The following BACE1 variants were observed in gnomAD, a reference collection of about 807,000 sequenced individuals.
The protein encoded by BACE1 is beta-secretase 1.
In BACE1, 21 loss-of-function variants were observed where a neutral mutation model predicts 54.0. That is an observed-to-expected ratio of 0.39 (90% CI 0.28 to 0.56). BACE1 has a LOEUF of 0.56. BACE1 is among the 20% of genes least tolerant of loss of function. The pLI is 0.63. For synonymous variants in BACE1, 232 were observed against 260.9 expected, an observed-to-expected ratio of 0.89 and a Z score of 1.07; for missense variants, 511 against 661.2, an observed-to-expected ratio of 0.77 and a Z score of 2.49.
intron 1 of BACE1, among the ~76,000 whole-genome samples, chr11:117,302,620 C>T (rs2034749236): frequency 6.6e-6 from 1 of 152,236 alleles, no homozygotes; most frequent in Non-Finnish European, 1.5e-5. Flanking sequence ...CGGTGGCTCA[C>T]GCCTGTAATC....
In BACE1 at chr11:117,291,832, A is replaced by G; in HGVS notation, c.841-19T>C. 6.3e-7 allele frequency: 1 copy of G among 1,577,682 alleles called. No homozygotes were observed. Among genetic ancestry groups the G allele is most frequent in the Non-Finnish European group, 8.7e-7 (1 of 1,147,886 alleles). ...AGTTGTACTAAGAGGGAAAAGAGAGAGTTAAAAGAGTCAAAAGGTTTTTGA... is the reference window on the plus strand; with the variant it reads ...AGTTGTACTAAGAGGGAAAAGAGAGGGTTAAAAGAGTCAAAAGGTTTTTGA... On this transcript the variant is annotated intron_variant, in intron 5 of 8. Coordinates refer to ENST00000313005, the MANE Select transcript of BACE1 (RefSeq NM_012104.6).
intron 1 of BACE1, among the ~76,000 whole-genome samples, chr11:117,302,118 G>A (rs2134474920): frequency 6.6e-6 from 1 of 152,246 alleles, no homozygotes; most frequent in South Asian, 2.1e-4. Flanking sequence ...TGGATCACCT[G>A]AGGTCAGGAG....
At chr11:117,310,680 C>A (rs2034925309) in intron 1 of BACE1, among the ~76,000 whole-genome samples, 1 of 152,228 alleles carries the variant, frequency 6.6e-6, no homozygotes, top group East Asian at 1.9e-4. Context: ...CTCAGCCTCC[C>A]AAAGTGCTGG....
At chr11:117,304,681 A>G (rs2034792536) in intron 1 of BACE1, among the ~76,000 whole-genome samples, 1 of 152,152 alleles carries the variant, frequency 6.6e-6, no homozygotes, top group Admixed American at 6.5e-5. Context: ...CCTTTCTTCA[A>G]AGGTCTTGTC....
intron 1 of BACE1, among the ~76,000 whole-genome samples, chr11:117,301,795 C>G (rs1400343825): frequency 6.6e-6 from 1 of 152,202 alleles, no homozygotes; most frequent in Non-Finnish European, 1.5e-5. Context: ...AGTGCATCAA[C>G]AAGTCCTGTC....
intron 1 of BACE1, among the ~76,000 whole-genome samples, chr11:117,304,987 G>C (rs890267781): frequency 1.4e-5 from 2 of 144,910 alleles, no homozygotes; most frequent in African/African-American, 5.1e-5. Flanking sequence ...TTTTGAGGTG[G>C]GTTCTCACTC....
intron 1 of BACE1, among the ~76,000 whole-genome samples, chr11:117,302,540 A>G (rs997845402): frequency 6.6e-6 from 1 of 152,038 alleles, no homozygotes; most frequent in Non-Finnish European, 1.5e-5. Context: ...CTGCCATCTG[A>G]GCTCAAGGGA....
chr11:117,293,440 TTAAATC>T lies in BACE1; in HGVS notation c.706-258_706-253del, dbSNP rs1447344051. Reference sequence around the variant, plus strand: ...CATACAGCCCTTGATATAAAGTTATTTAAATCTAAACTGCCACAATAAATGTTGAAT... The same window carrying T: ...CATACAGCCCTTGATATAAAGTTATTTAAACTGCCACAATAAATGTTGAAT... On this transcript the variant is annotated intron_variant, in intron 4 of 8. Coordinates refer to ENST00000313005, the MANE Select transcript of BACE1 (RefSeq NM_012104.6). This position sits in a 1 kb window ranked among gnomAD's most constrained non-coding sequence, Gnocchi z 4.1. 2.9e-6 allele frequency: 1 copy of T among 348,480 alleles called. No homozygotes were observed. Among genetic ancestry groups the T allele is most frequent in the East Asian group, 5.3e-5 (1 of 18,934 alleles). The allele number at this position is 348,480 out of a possible 1,614,324, so 21.6% of individuals were successfully genotyped here.
intron 1 of BACE1, among the ~76,000 whole-genome samples, chr11:117,298,839 CTT>C (rs1436243103): frequency 6.6e-6 from 1 of 152,160 alleles, no homozygotes; most frequent in African/African-American, 2.4e-5. Context: ...GAGTTTCGCT[CTT>C]GTTACCCAGG....
chr11:117,306,644 C>T (rs1481275763), intron 1 of BACE1, among the ~76,000 whole-genome samples: 1 of 151,992 alleles, frequency 6.6e-6, no homozygotes, highest in East Asian at 1.9e-4. Flanking sequence ...CCCGTCTCTA[C>T]CAAAATATAT....
intron 1 of BACE1, among the ~76,000 whole-genome samples, chr11:117,299,273 T>C (rs143024301): frequency 1.3e-5 from 2 of 152,328 alleles, no homozygotes; most frequent in South Asian, 2.1e-4. Flanking sequence ...TTGCCGACTT[T>C]CCATCACCTC....
intron 1 of BACE1, among the ~76,000 whole-genome samples, chr11:117,313,782 A>G (rs917413680): frequency 1.3e-5 from 2 of 152,156 alleles, no homozygotes; most frequent in African/African-American, 4.8e-5. Flanking sequence ...GCCTCATTGC[A>G]TAGAATTGAA....
chr11:117,296,775 C>T lies in BACE1; in HGVS notation c.350+98G>A, dbSNP rs532785501. 1.1e-5 allele frequency: 11 copies of T among 962,778 alleles called. No individual in the cohort carries two copies. In the Admixed American group the frequency reaches 2.2e-4, roughly 19 times the overall value. The allele number at this position is 962,778 out of a possible 1,614,324, so 59.6% of individuals were successfully genotyped here. On this transcript the variant is annotated intron_variant, in intron 2 of 8. Coordinates refer to ENST00000313005, the MANE Select transcript of BACE1 (RefSeq NM_012104.6). ...TCCCCTTCCCTGGCAAGAAGAAAAT[C>T]TGAGGATCAACTCTTTCTCTCTGTA...
chr11:117,296,516 G>A (rs2034603987), intron 2 of BACE1, among the ~76,000 whole-genome samples: 1 of 152,118 alleles, frequency 6.6e-6, no homozygotes, highest in African/African-American at 2.4e-5. Context: ...AGAGAACTGA[G>A]AGACACCGAG....
At position 117,310,968 on chromosome 11, in the gene BACE1, T is replaced by C. The variant is rs561854544; in HGVS notation, c.261+4567A>G. ...TTCTTCTGCTAGACACTGTGAGTGA[T>C]AAAGACCTTTTTTTTTTTTTTTCTT... On this transcript the variant is annotated intron_variant, in intron 1 of 8. Transcript: ENST00000313005. Among the ~76,000 whole-genome samples the C allele has an allele frequency of 2.7e-3, 416 of 151,332 alleles. 9 individuals carry two copies. The highest frequency in any genetic ancestry group is 5.6e-4 in the Non-Finnish European group (38 of 67,882).
intron 3 of BACE1, 92 bp downstream of exon 3, chr11:117,295,039 T>A: frequency 1.5e-6 from 2 of 1,294,798 alleles, no homozygotes; most frequent in Non-Finnish European, 2.2e-6. Flanking sequence ...ATTGTTGCCC[T>A]CCTTCTGCTA....
At chr11:117,310,291 A>C (rs1392036679) in intron 1 of BACE1, among the ~76,000 whole-genome samples, 1 of 152,130 alleles carries the variant, frequency 6.6e-6, no homozygotes, top group Non-Finnish European at 1.5e-5. Context: ...TTCTGTTTAG[A>C]GGCTTGCAGC....
Position 117,289,479 on chromosome 11 carries a change from G to A in BACE1, c.*87C>T, listed in dbSNP as rs2134440354. The A allele has an allele frequency of 2.0e-6, 3 of 1,531,362 alleles. No individual in the cohort carries two copies. In the East Asian group the frequency reaches 7.1e-5, roughly 36 times the overall value. 94.9% of individuals were successfully genotyped at this position (1,531,362 alleles called of 1,614,324 possible). On this transcript the variant is annotated 3_prime_UTR_variant, in exon 9 of 9. Transcript: ENST00000313005. ...AGGGTCCTGAGGTGCTCTGGCCACAGGTGCCATCTGTGTCTCCTACTTGTG... is the reference window on the plus strand; with the variant it reads ...AGGGTCCTGAGGTGCTCTGGCCACAAGTGCCATCTGTGTCTCCTACTTGTG...
chr11:117,315,232 C>G lies in BACE1; in HGVS notation c.261+303G>C, dbSNP rs576772651. On this transcript the variant is annotated intron_variant, in intron 1 of 8. Transcript: ENST00000313005. This position sits in a 1 kb window ranked among gnomAD's most constrained non-coding sequence, Gnocchi z 5.5. ...GACACCTGTTATAGTGCCCCTGTGG[C>G]GGACCCTTCCTCCAGGTCAGGGTCC... 6.6e-6 allele frequency among the ~76,000 whole-genome samples: 1 copy of G among 152,180 alleles called. No individual in the cohort carries two copies. The highest frequency in any genetic ancestry group is 1.5e-5 in the Non-Finnish European group (1 of 68,030).
Sources: allele counts gnomAD v4.1 joint callset (sites outside exome capture counted in the v4.1 genomes callset), GRCh38; gene constraint gnomAD v4.1.1; non-coding constraint Gnocchi (gnomAD v3.1); transcripts MANE v1.5; gene names NCBI Gene and HGNC (gene_info 2026-07-23, HGNC 2026-07-21).